The following SQLE variants were observed in gnomAD, a reference collection of about 807,000 sequenced individuals.
SQLE encodes the protein squalene epoxidase.
A neutral mutation model predicts 60.7 loss-of-function variants in SQLE; 29 were observed. That is an observed-to-expected ratio of 0.48 (90% CI 0.36 to 0.65). The LOEUF (loss-of-function observed/expected upper bound fraction) is 0.65, where lower values mean the gene tolerates loss of function less well. Ranked by LOEUF, SQLE falls within the 30% of genes least tolerant of loss-of-function variation. The probability of loss-of-function intolerance (pLI) is 0.00; values close to 1 mark genes in which losing one functional copy is unlikely to be tolerated. For synonymous variants in SQLE, 237 were observed against 246.8 expected, an observed-to-expected ratio of 0.96 and a Z score of 0.37; for missense variants, 605 against 684.1, an observed-to-expected ratio of 0.88 and a Z score of 1.29.
rs773628394 is a variant in SQLE at position 125,005,640 on chromosome 8, T to G, written c.660T>G (p.Ser220Arg). The G allele has an allele frequency of 6.2e-7, 1 of 1,609,272 alleles. No homozygotes were observed. The highest frequency in any genetic ancestry group is 2.2e-5 in the East Asian group (1 of 44,748). Residue 220 changes from serine (S) to arginine (R), a missense_variant, in exon 3 of 11, where the codon AGT (serine) becomes AGG (arginine). Physicochemically the swap from Ser to Arg is moderately radical, Grantham distance 110. Transcript: ENST00000265896. Reference sequence around the variant, plus strand: ...TGTCAGAAAACAATCAAGTGCAGAGTGGAAGAGCTTTCCATCACGGAAGAT... The same window carrying G: ...TGTCAGAAAACAATCAAGTGCAGAGGGGAAGAGCTTTCCATCACGGAAGAT... ...YPLSENNQVQSGRAFHHGRFI... is the reference protein window; with the variant it reads ...YPLSENNQVQRGRAFHHGRFI...
Position 124,998,727 on chromosome 8 carries a change from C to CT in SQLE, c.-676dup. 3.4e-6 allele frequency: 2 copies of CT among 580,274 alleles called. No individual in the cohort carries two copies. Among genetic ancestry groups the CT allele is most frequent in the South Asian group, 3.8e-5 (2 of 52,686 alleles). The allele number at this position is 580,274 out of a possible 1,614,324, so 35.9% of individuals were successfully genotyped here. A position where few individuals can be genotyped will look rare whatever the true frequency, so the allele number is the denominator to read the frequency against. ...TGGGGGCCAGCGAAACGGGAGGCCT[C>CT]TAAATCTTTAGGTTGGGGCTGCATT... is the stretch of plus-strand genomic sequence containing the variant. On this transcript the variant is annotated 5_prime_UTR_variant, in exon 1 of 11. Transcript: ENST00000265896.
Position 125,005,819 on chromosome 8 carries a change from C to T in SQLE, c.725+114C>T, listed in dbSNP as rs189157783. 45 of 754,230 alleles carry T rather than the reference C, an allele frequency of 6.0e-5. 1 individual carries two copies. Among genetic ancestry groups the T allele is most frequent in the Non-Finnish European group, 1.7e-5 (9 of 528,104 alleles). The allele number at this position is 754,230 out of a possible 1,614,324, so 46.7% of individuals were successfully genotyped here. A position where few individuals can be genotyped will look rare whatever the true frequency, so the allele number is the denominator to read the frequency against. On this transcript the variant is annotated intron_variant, in intron 3 of 10. Coordinates refer to ENST00000265896, the MANE Select transcript of SQLE (RefSeq NM_003129.4). Reference sequence around the variant, plus strand: ...TGAATTTTTGGGGCATAGTCTAGAACATATGTATATTAAAATAAACTGTCA... The same window carrying T: ...TGAATTTTTGGGGCATAGTCTAGAATATATGTATATTAAAATAAACTGTCA...
intron 1 of SQLE, among the ~76,000 whole-genome samples, chr8:125,002,112 C>T (rs77751019): frequency 0.029 from 4,460 of 152,200 alleles, 233 homozygotes; most frequent in African/African-American, 0.1. Flanking sequence ...GGGACCACCT[C>T]TTTGACTAGG....
At chr8:125,013,359 T>TTTC (rs1464251642) in intron 7 of SQLE, among the ~76,000 whole-genome samples, 1 of 147,524 alleles carries the variant, frequency 6.8e-6, no homozygotes, top group African/African-American at 2.6e-5. Context: ...TCTTTTTCTT[T>TTTC]TTTTTTTTTT....
At chr8:125,002,613 G>T (rs1336595873) in intron 1 of SQLE, among the ~76,000 whole-genome samples, 2 of 152,180 alleles carry the variant, frequency 1.3e-5, no homozygotes, top group Non-Finnish European at 2.9e-5. Flanking sequence ...GGAGGCGGAC[G>T]TTGCAGTGAT....
chr8:125,005,698 G>A lies in SQLE; in HGVS notation c.718G>A (p.Glu240Lys). The A allele has an allele frequency of 6.3e-7, 1 of 1,587,338 alleles. No individual in the cohort carries two copies. The highest frequency in any genetic ancestry group is 8.6e-7 in the Non-Finnish European group (1 of 1,161,962). ...GAGTCTCCGGAAAGCAGCTATGGCA[G>A]AGCCCAAGTAAGACCACAGTTTCAA... ...IMSLRKAAMA[E>K]PNAKFIEGVV... Residue 240 changes from glutamate (E) to lysine (K), a missense_variant, in exon 3 of 11, where the codon GAG becomes AAG. Transcript: ENST00000265896.
chr8:125,005,460 T>G, intron 2 of SQLE, 65 bp from the exon 3 acceptor site: 1 of 1,385,706 alleles, frequency 7.2e-7, no homozygotes. Flanking sequence ...GTGTCTTCTT[T>G]GGTTCTTAGT....
intron 2 of SQLE, among the ~76,000 whole-genome samples, chr8:125,005,181 T>C (rs1814927757): frequency 1.3e-5 from 2 of 152,204 alleles, no homozygotes; most frequent in South Asian, 2.1e-4. Context: ...TTGAAAGAAG[T>C]GTTAAGAAGG....
At chr8:125,015,423 T>C (rs535554784) in intron 7 of SQLE, among the ~76,000 whole-genome samples, 1 of 152,292 alleles carries the variant, frequency 6.6e-6, no homozygotes, top group South Asian at 2.1e-4. Context: ...ACTATTGCCA[T>C]TTTGTTTTTG....
intron 4 of SQLE, among the ~76,000 whole-genome samples, chr8:125,008,535 A>G (rs531307494): frequency 2.6e-5 from 4 of 152,366 alleles, no homozygotes; most frequent in African/African-American, 9.6e-5. Context: ...TATTATAAAT[A>G]CATGTAGTCA....
At chr8:125,001,449 G>GGTGTGTGTGTGTGTGTGT (rs57946751) in intron 1 of SQLE, among the ~76,000 whole-genome samples, 25 of 137,018 alleles carry the variant, frequency 1.8e-4, no homozygotes, top group South Asian at 1.5e-3. Context: ...CTCCTTTCAG[G>GGTGTGTGTGTGTGTGTGT]GTGTGTGTGT....
rs769337536 is a variant in SQLE at position 125,021,800 on chromosome 8, C to T, written c.1580C>T (p.Ala527Val). The change falls in exon 11 of 11, where the codon GCA becomes GTA. Residue 527 changes from alanine to valine, a missense_variant. Transcript: ENST00000265896. Reference protein sequence around the residue: ...LVLIGHFFAVAIYAVYFCFKS... With the variant: ...LVLIGHFFAVVIYAVYFCFKS... The stretch of plus-strand genomic sequence containing the variant: ...TTAATTGGACACTTCTTTGCTGTTG[C>T]AATCTATGCCGTGTATTTTTGCTTT... 2 of 1,609,076 alleles carry T rather than the reference C, an allele frequency of 1.2e-6. No homozygotes were observed. Among genetic ancestry groups the T allele is most frequent in the South Asian group, 2.2e-5 (2 of 90,146 alleles).
chr8:125,021,084 A>C, intron 10 of SQLE: 1 of 493,922 alleles, frequency 2.0e-6, no homozygotes, highest in Non-Finnish European at 3.7e-6. Flanking sequence ...TGGTAGAGGA[A>C]GCTATAACCC....
At position 125,007,371 on chromosome 8, in the gene SQLE, T is replaced by C. The variant is rs1814968991; in HGVS notation, c.726-20T>C. 1 of 1,481,442 alleles carries C rather than the reference T, an allele frequency of 6.8e-7. No homozygotes were observed. Among genetic ancestry groups the C allele is most frequent in the Non-Finnish European group, 9.1e-7 (1 of 1,097,648 alleles). 91.8% of individuals were successfully genotyped at this position (1,481,442 alleles called of 1,614,324 possible). On this transcript the variant is annotated intron_variant, in intron 3 of 10. Coordinates refer to ENST00000265896, the MANE Select transcript of SQLE (RefSeq NM_003129.4). ...GCTGAAATGTGCTGCTTTAGAAATG[T>C]ATTTTTTTTTATTCTTTAGTGCAAA...
chr8:125,010,796 A>G (rs1013487107), intron 6 of SQLE: 12 of 151,464 alleles, frequency 7.9e-5, no homozygotes, highest in African/African-American at 2.9e-4. Context: ...CTTTTTTCCA[A>G]TCCAGAGGTT....
In SQLE at chr8:125,003,432, G is replaced by A. The variant is rs1814895761; in HGVS notation, c.544+4G>A. 6.2e-7 allele frequency: 1 copy of A among 1,612,968 alleles called. No homozygotes were observed. Among genetic ancestry groups the A allele is most frequent in the African/African-American group, 1.3e-5 (1 of 74,828 alleles). On this transcript the variant is annotated splice_donor_region_variant and intron_variant, in intron 2 of 10. Coordinates refer to ENST00000265896, the MANE Select transcript of SQLE (RefSeq NM_003129.4). ...CTCAAAGACCTTGGTCTTGGAGGTA[G>A]GTTCATATTGATTTTCAGGAGAGTT...
At chr8:125,017,718 T>C (rs1815132123) in intron 7 of SQLE, among the ~76,000 whole-genome samples, 1 of 152,224 alleles carries the variant, frequency 6.6e-6, no homozygotes, top group Non-Finnish European at 1.5e-5. Context: ...CCTGGATACC[T>C]GTAGATTCTT....
chr8:125,021,248 CAT>C (rs1449126253), intron 10 of SQLE, among the ~76,000 whole-genome samples: 5 of 152,126 alleles, frequency 3.3e-5, no homozygotes, highest in African/African-American at 9.7e-5. Context: ...AGCGTACAGA[CAT>C]ATGTGGAACT....
Position 124,999,589 on chromosome 8 carries a change from G to C in SQLE, c.186G>C (p.Gln62His). ...GLLGRQQSGS[Q>H]FALFSDILSG... is the part of the protein sequence containing the mutation. ...TCGGGCGCCAGCAGAGCGGCTCCCA[G>C]TTCGCCCTCTTCTCGGATATTCTCT... Residue 62 changes from glutamine (Q) to histidine (H), a missense_variant, in exon 1 of 11, where the codon CAG (glutamine) becomes CAC (histidine). Physicochemically the swap from Gln to His is conservative, Grantham distance 24. Coordinates refer to ENST00000265896, the MANE Select transcript of SQLE (RefSeq NM_003129.4). 6.2e-7 allele frequency: 1 copy of C among 1,613,656 alleles called. No homozygotes were observed. Among genetic ancestry groups the C allele is most frequent in the Admixed American group, 1.7e-5 (1 of 59,954 alleles).
Sources: gnomAD v4.1 joint callset for allele counts (sites outside exome capture counted in the v4.1 genomes callset) on GRCh38, gnomAD v4.1.1 for gene constraint, MANE v1.5 for transcripts, NCBI Gene and HGNC (gene_info 2026-07-23, HGNC 2026-07-21) for gene names.